IL1RAPL2: variants seen among roughly 807,000 people sequenced by gnomAD.
IL1RAPL2 encodes X-linked interleukin-1 receptor accessory protein-like 2.
Under a neutral mutation model 44.1 loss-of-function variants are expected in IL1RAPL2, and 3 were observed. The observed-to-expected ratio is 0.07, with a 90% CI of 0.03 to 0.18. The LOEUF (loss-of-function observed/expected upper bound fraction) is 0.18. Among genes scored for constraint, IL1RAPL2 ranks in the 10% least tolerant of loss-of-function variants. IL1RAPL2 has a pLI of 1.00. For synonymous variants in IL1RAPL2, 181 were observed against 178.8 expected (o/e 1.01, Z -0.10); for missense variants, 391 against 496.4 (o/e 0.79, Z 2.02).
intron 1 of IL1RAPL2, among the ~76,000 whole-genome samples, chrX:104,637,798 G>GTC (rs1436592638): frequency 7.4e-5 from 8 of 108,087 alleles, no homozygotes; most frequent in Middle Eastern, 4.7e-3. Flanking sequence ...GTGTGTGTGT[G>GTC]TGTCTGTGTG....
chrX:104,984,046 T>C lies in IL1RAPL2; in HGVS notation c.83-211429T>C, dbSNP rs140110804. 3.8e-3 allele frequency among the ~76,000 whole-genome samples: 418 copies of C among 111,289 alleles called. 3 individuals are homozygous for C. Among genetic ancestry groups the C allele is most frequent in the African/African-American group, 0.013 (392 of 30,699 alleles). On this transcript the variant is annotated intron_variant, in intron 2 of 10. Coordinates refer to ENST00000372582, the MANE Select transcript of IL1RAPL2 (RefSeq NM_017416.2). ...TAAGGATATAATAACCAGGTGTTGC[T>C]GTTATTACCTTTAGTATTTGAAGCA...
chrX:105,132,068 G>C (rs1382459363), intron 2 of IL1RAPL2, among the ~76,000 whole-genome samples: 1 of 108,846 alleles, frequency 9.2e-6, no homozygotes, highest in African/African-American at 3.3e-5. Context: ...AAAATAGTTT[G>C]AAAGCAACTG....
intron 1 of IL1RAPL2, among the ~76,000 whole-genome samples, chrX:104,580,560 C>T (rs1056941750): frequency 1.8e-5 from 2 of 112,064 alleles, no homozygotes; most frequent in Non-Finnish European, 3.8e-5. Context: ...GATTGTCAGA[C>T]CAAGAAATTT....
chrX:104,649,741 A>G (rs896861919), intron 1 of IL1RAPL2, among the ~76,000 whole-genome samples: 2 of 111,824 alleles, frequency 1.8e-5, no homozygotes, highest in Non-Finnish European at 3.8e-5. Flanking sequence ...GATTGGGTCT[A>G]TTAACTGTGT....
At chrX:104,647,066 C>T in intron 1 of IL1RAPL2, 1 of 192,488 alleles carries the variant, frequency 5.2e-6, no homozygotes, top group East Asian at 1.3e-4. Context: ...GTGATTTTAC[C>T]TTTATTTCCT....
At chrX:104,914,130 C>T (rs1924336452) in intron 2 of IL1RAPL2, among the ~76,000 whole-genome samples, 1 of 111,699 alleles carries the variant, frequency 9.0e-6, no homozygotes, top group Non-Finnish European at 1.9e-5. Context: ...TCACACTAGA[C>T]CTGCTGAATC....
intron 2 of IL1RAPL2, among the ~76,000 whole-genome samples, chrX:104,689,780 A>G (rs1931058377): frequency 8.9e-6 from 1 of 112,010 alleles, no homozygotes; most frequent in African/African-American, 3.2e-5. Flanking sequence ...TCAGTTTCTA[A>G]TCAATGCTAA....
At chrX:105,429,514 A>G (rs1471367382) in intron 5 of IL1RAPL2, among the ~76,000 whole-genome samples, 1 of 112,168 alleles carries the variant, frequency 8.9e-6, no homozygotes, top group Non-Finnish European at 1.9e-5. Flanking sequence ...AAACAGTCTC[A>G]TTCAATGGAT....
intron 2 of IL1RAPL2, among the ~76,000 whole-genome samples, chrX:104,836,814 T>G (rs1000709655): frequency 1.3e-4 from 15 of 111,286 alleles, no homozygotes; most frequent in African/African-American, 4.9e-4. Context: ...GGTGATTTGC[T>G]GCACATATCA....
chrX:105,321,412 C>G (rs1020274006), intron 5 of IL1RAPL2, among the ~76,000 whole-genome samples: 1 of 111,961 alleles, frequency 8.9e-6, no homozygotes, highest in Non-Finnish European at 1.9e-5. Context: ...ATTACCGTAA[C>G]AAGACTGGCT....
At chrX:104,864,534 G>T (rs1389302027) in intron 2 of IL1RAPL2, among the ~76,000 whole-genome samples, 1 of 111,924 alleles carries the variant, frequency 8.9e-6, no homozygotes, top group Non-Finnish European at 1.9e-5. Context: ...GGTTAATATT[G>T]AGTGTCAACT....
chrX:104,657,616 A>G (rs1455842477), intron 1 of IL1RAPL2, among the ~76,000 whole-genome samples: 1 of 112,000 alleles, frequency 8.9e-6, no homozygotes, highest in Non-Finnish European at 1.9e-5. Context: ...GCCAAAATTG[A>G]CAAAGGGGAT....
At chrX:105,321,630 C>T (rs1192921418) in intron 5 of IL1RAPL2, among the ~76,000 whole-genome samples, 2 of 111,780 alleles carry the variant, frequency 1.8e-5, no homozygotes, top group East Asian at 5.6e-4. Flanking sequence ...TGTGGTAGGT[C>T]GTTCTATAAA....
intron 2 of IL1RAPL2, among the ~76,000 whole-genome samples, chrX:104,773,393 T>C (rs1932668435): frequency 8.9e-6 from 1 of 111,844 alleles, no homozygotes; most frequent in South Asian, 3.7e-4. Flanking sequence ...ATTTTATTTG[T>C]ATGTATTAAC....
Position 105,767,046 on chromosome X carries a change from G to A in IL1RAPL2, c.1446G>A (p.Arg482=), listed in dbSNP as rs138075403. The A allele has an allele frequency of 1.0e-5, 12 of 1,204,496 alleles. No homozygotes were observed. The African/African-American group carries it at 1.6e-4, about 16-fold the overall frequency. The part of the protein sequence containing the change: ...IVLTPDYILR[R]GWSIFELESR... ...TAACTCCAGACTATATTCTCAGACG[G>A]GGATGGAGTATTTTCGAACTGGAAA... The change falls in exon 11 of 11, where the codon CGG becomes CGA. Residue 482 remains arginine (R), a synonymous_variant. Coordinates refer to ENST00000372582, the MANE Select transcript of IL1RAPL2 (RefSeq NM_017416.2).
intron 9 of IL1RAPL2, among the ~76,000 whole-genome samples, chrX:105,751,772 T>G: frequency 8.9e-6 from 1 of 112,122 alleles, no homozygotes; most frequent in Middle Eastern, 4.7e-3. Flanking sequence ...AAAGTCAACA[T>G]GTATATGGTG....
chrX:104,734,642 G>C (rs1931981399), intron 2 of IL1RAPL2, among the ~76,000 whole-genome samples: 1 of 111,586 alleles, frequency 9.0e-6, no homozygotes, highest in Non-Finnish European at 1.9e-5. Flanking sequence ...TAGAGGGAGA[G>C]TGTGACTACA....
intron 1 of IL1RAPL2, among the ~76,000 whole-genome samples, chrX:104,588,889 G>A (rs1299946072): frequency 9.0e-6 from 1 of 111,494 alleles, no homozygotes; most frequent in Non-Finnish European, 1.9e-5. Flanking sequence ...TTTAAGAGGT[G>A]AAAAAAAGAT....
intron 6 of IL1RAPL2, among the ~76,000 whole-genome samples, chrX:105,492,273 A>G (rs1045845637): frequency 9.0e-6 from 1 of 111,049 alleles, no homozygotes; most frequent in African/African-American, 3.3e-5. Flanking sequence ...ATAATTAGTA[A>G]GTGACAAAGA....
Sources: allele counts gnomAD v4.1 joint callset (sites outside exome capture counted in the v4.1 genomes callset), GRCh38; gene constraint gnomAD v4.1.1; transcripts MANE v1.5; gene names NCBI Gene and HGNC (gene_info 2026-07-23, HGNC 2026-07-21).